Variants in SORBS2 observed in about 807,000 individuals in gnomAD.
The protein encoded by SORBS2 is sorbin and SH3 domain-containing protein 2.
In SORBS2, 46 loss-of-function variants were observed where a neutral mutation model predicts 97.7. The observed-to-expected ratio is 0.47, with a 90% CI of 0.37 to 0.60. SORBS2 has a LOEUF of 0.60. SORBS2 is among the 20% of genes least tolerant of loss of function. The probability of loss-of-function intolerance (pLI) is 0.00; values close to 1 mark genes in which losing one functional copy is unlikely to be tolerated. For synonymous variants in SORBS2, 476 were observed against 473.4 expected (o/e 1.01, Z -0.07); for missense variants, 1,316 against 1,282.3 (o/e 1.03, Z -0.40).
chr4:185,713,758 T>C (rs980419929), intron 2 of SORBS2, among the ~76,000 whole-genome samples: 6 of 152,238 alleles, frequency 3.9e-5, no homozygotes, highest in African/African-American at 1.4e-4. Flanking sequence ...TCTGTAATCA[T>C]TACTATAATT....
At chr4:185,783,033 C>A (rs1329043414) in intron 1 of SORBS2, among the ~76,000 whole-genome samples, 1 of 152,140 alleles carries the variant, frequency 6.6e-6, no homozygotes, top group Non-Finnish European at 1.5e-5. Context: ...ATAAATTAAT[C>A]CAACAAGCCA....
chr4:185,624,584 G>C, intron 6 of SORBS2, 90 bp from the exon 19 acceptor site: 1 of 1,359,848 alleles, frequency 7.4e-7, no homozygotes, highest in South Asian at 1.4e-5. Flanking sequence ...TAAAGCATCA[G>C]ACAGCATAGC....
At chr4:185,637,277 T>C (rs62336063) in intron 4 of SORBS2, among the ~76,000 whole-genome samples, 16,597 of 152,300 alleles carry the variant, frequency 0.11, 973 homozygotes, top group African/African-American at 0.15. Context: ...TACAGTTGCC[T>C]ACAGTATGGA....
At chr4:185,656,714 C>G in exon 1 of SORBS2, 1 of 1,546,982 alleles carries the variant, frequency 6.5e-7, no homozygotes, top group Non-Finnish European at 8.7e-7. Context: ...CTGCTGCCTG[C>G]CCAGGCTCTC....
intron 2 of SORBS2, chr4:185,774,911 G>A (rs2098992676): frequency 6.7e-6 from 1 of 148,742 alleles, no homozygotes; most frequent in African/African-American, 2.5e-5. Context: ...AAATAAAGCA[G>A]TCTAAACAAC....
intron 1 of SORBS2, among the ~76,000 whole-genome samples, chr4:185,863,048 CG>C (rs1350845471): frequency 1.3e-5 from 2 of 152,078 alleles, no homozygotes; most frequent in East Asian, 3.9e-4. Flanking sequence ...AGGTGGGACA[CG>C]GAAGGAATCT....
chr4:185,764,892 T>G (rs1468544689), intron 2 of SORBS2, among the ~76,000 whole-genome samples: 3 of 152,304 alleles, frequency 2.0e-5, no homozygotes, highest in African/African-American at 7.2e-5. Context: ...AGGTAACCAT[T>G]ATCTGAATGT....
chr4:185,666,017 A>G, intron 4 of SORBS2: 1 of 1,289,186 alleles, frequency 7.8e-7, no homozygotes, highest in Non-Finnish European at 1.0e-6. Flanking sequence ...TGCAGGCGTG[A>G]AGACCCCACA....
chr4:185,925,485 C>A (rs1579523859), intron 1 of SORBS2, among the ~76,000 whole-genome samples: 1 of 152,122 alleles, frequency 6.6e-6, no homozygotes, highest in East Asian at 1.9e-4. Context: ...TAAAACGCAT[C>A]TCCCCCCAGA....
chr4:185,709,304 C>CCTTTTTTTTTTTTTTTTTTTTTTTTTT lies in SORBS2; in HGVS notation c.-197-30483_-197-30482insAAAAAAAAAAAAAAAAAAAAAAAAAAG, dbSNP rs1554199361. ...GCATGAGCCGCTGTGCTGGCCAAAT[C>CCTTTTTTTTTTTTTTTTTTTTTTTTTT]TTTTTTTTTTTTTTTTTTTTAGTAA... On this transcript the variant is annotated intron_variant, in intron 2 of 20. Coordinates refer to the SORBS2 transcript ENST00000284776. Among the ~76,000 whole-genome samples, 7 of 96,772 alleles carry CCTTTTTTTTTTTTTTTTTTTTTTTTTT rather than the reference C, an allele frequency of 7.2e-5. 1 individual carries two copies. Among genetic ancestry groups the CCTTTTTTTTTTTTTTTTTTTTTTTTTT allele is most frequent in the Admixed American group, 1.1e-4 (1 of 8,966 alleles). The allele number at this position is 96,772 out of a possible 152,430, so 63.5% of individuals were successfully genotyped here. A position where few individuals can be genotyped will look rare whatever the true frequency, so the allele number is the denominator to read the frequency against.
At chr4:185,791,223 C>G (rs2099078391) in intron 1 of SORBS2, among the ~76,000 whole-genome samples, 1 of 152,066 alleles carries the variant, frequency 6.6e-6, no homozygotes, top group African/African-American at 2.4e-5. Flanking sequence ...AAATTTACCA[C>G]CTACATAAGA....
chr4:185,622,384 G>C (rs1386524277), intron 7 of SORBS2, among the ~76,000 whole-genome samples: 1 of 152,186 alleles, frequency 6.6e-6, no homozygotes, highest in Admixed American at 6.5e-5. Flanking sequence ...CCTTGAAATG[G>C]AGAAAGCTAT....
intron 12 of SORBS2, among the ~76,000 whole-genome samples, chr4:185,610,574 T>TA (rs571433416): frequency 4.6e-5 from 7 of 151,168 alleles, no homozygotes; most frequent in Non-Finnish European, 7.4e-5. Context: ...TTCAGCCTTC[T>TA]AAAAAAAAAT....
chr4:185,939,090 G>A (rs189034796), intron 1 of SORBS2, among the ~76,000 whole-genome samples: 6 of 152,186 alleles, frequency 3.9e-5, no homozygotes, highest in South Asian at 2.1e-4. Context: ...TAACCTCTGC[G>A]CCCTGGCCAT....
intron 4 of SORBS2, among the ~76,000 whole-genome samples, chr4:185,630,868 A>G (rs1335894710): frequency 6.6e-6 from 1 of 152,138 alleles, no homozygotes; most frequent in African/African-American, 2.4e-5. Context: ...ATGGGGGGAA[A>G]TTAATAATAT....
chr4:185,753,067 A>T (rs1187655746), intron 2 of SORBS2, among the ~76,000 whole-genome samples: 3 of 152,264 alleles, frequency 2.0e-5, no homozygotes, highest in Non-Finnish European at 4.4e-5. Context: ...GACCACGGCC[A>T]TGAGGGCTTC....
At chr4:185,763,739 A>G (rs2098918079) in intron 2 of SORBS2, among the ~76,000 whole-genome samples, 1 of 152,228 alleles carries the variant, frequency 6.6e-6, no homozygotes, top group African/African-American at 2.4e-5. Flanking sequence ...ATTTAAAATT[A>G]TAAAGACTTT....
At chr4:185,858,134 G>T (rs777961089) in intron 1 of SORBS2, among the ~76,000 whole-genome samples, 2 of 152,196 alleles carry the variant, frequency 1.3e-5, no homozygotes, top group African/African-American at 2.4e-5. Flanking sequence ...AGGCCCAGCT[G>T]TAAAATTTCT....
At chr4:185,640,344 A>G (rs183485015) in intron 4 of SORBS2, among the ~76,000 whole-genome samples, 1 of 152,354 alleles carries the variant, frequency 6.6e-6, no homozygotes, top group East Asian at 1.9e-4. Context: ...TCACACATAC[A>G]CAAACGACTA....
Sources: allele counts gnomAD v4.1 joint callset (sites outside exome capture counted in the v4.1 genomes callset), GRCh38; gene constraint gnomAD v4.1.1; transcripts MANE v1.5; gene names NCBI Gene and HGNC (gene_info 2026-07-23, HGNC 2026-07-21).